HMCN2: variants seen among roughly 807,000 people sequenced by gnomAD.
HMCN2 encodes the protein hemicentin 2.
HMCN2 carries 325 observed loss-of-function variants against 377.5 expected under a neutral mutation model. That is an observed-to-expected ratio of 0.86 (90% CI 0.79 to 0.94). HMCN2 has a LOEUF of 0.94. Among genes scored for constraint, HMCN2 ranks in the 40% least tolerant of loss-of-function variants. The pLI is 0.00. For synonymous variants in HMCN2, 2,007 were observed against 2,046.8 expected, an observed-to-expected ratio of 0.98 and a Z score of 0.53; for missense variants, 4,543 against 4,725.3, an observed-to-expected ratio of 0.96 and a Z score of 1.13.
chr9:130,431,519 C>T lies in HMCN2; in HGVS notation c.14767+33C>T, dbSNP rs185370769. The T allele has an allele frequency of 3.0e-4, 458 of 1,543,420 alleles. 1 individual carries two copies. The African/African-American group carries it at 5.4e-3, about 18-fold the overall frequency. ...GGGCTCAGGCCGCCGCCCAAACACC[C>T]GTGGGGCTAGGGCAGGCAGCGTGGG... On this transcript the variant is annotated intron_variant, in intron 96 of 97. Transcript: ENST00000683500.
At chr9:130,376,785 C>A (rs1379355794) in intron 52 of HMCN2, 127 bp downstream of exon 52, 1 of 348,988 alleles carries the variant, frequency 2.9e-6, no homozygotes, top group Non-Finnish European at 4.0e-6. Flanking sequence ...GCCCCAGTCA[C>A]CCTTTATTTA....
intron 1 of HMCN2, among the ~76,000 whole-genome samples, chr9:130,267,356 A>G (rs1834161980): frequency 6.6e-6 from 1 of 151,072 alleles, no homozygotes; most frequent in Non-Finnish European, 1.5e-5. Context: ...GCTTTATCAC[A>G]TCTCTCTATC....
At chr9:130,413,049 A>C (rs1474168157) in intron 85 of HMCN2, among the ~76,000 whole-genome samples, 2 of 151,982 alleles carry the variant, frequency 1.3e-5, no homozygotes, top group African/African-American at 4.8e-5. Flanking sequence ...TGTAGTTTTG[A>C]ATGTACTGGT....
At chr9:130,397,176 A>G (rs1842646408) in intron 73 of HMCN2, among the ~76,000 whole-genome samples, 1 of 152,230 alleles carries the variant, frequency 6.6e-6, no homozygotes, top group African/African-American at 2.4e-5. Flanking sequence ...ATCATGGTGG[A>G]AGGAAAGGAG....
At chr9:130,407,984 C>T (rs1255896797) in intron 83 of HMCN2, among the ~76,000 whole-genome samples, 1 of 152,210 alleles carries the variant, frequency 6.6e-6, no homozygotes, top group East Asian at 1.9e-4. Flanking sequence ...ACCAATTGCC[C>T]TACAGCACTA....
chr9:130,408,978 T>G, intron 84 of HMCN2, 45 bp downstream of exon 84: 2 of 1,232,646 alleles, frequency 1.6e-6, no homozygotes, highest in South Asian at 1.3e-5. Context: ...TGAGGACAAC[T>G]CTACGCTTTT....
Position 130,326,766 on chromosome 9 carries a change from C to T in HMCN2, c.3194-544C>T, listed in dbSNP as rs904129744. On this transcript the variant is annotated intron_variant, in intron 21 of 97. Coordinates refer to ENST00000683500, the MANE Select transcript of HMCN2 (RefSeq NM_001291815.2). The stretch of plus-strand genomic sequence containing the variant: ...AAGGTAGAAAGGCGGAGGCGGGGAG[C>T]GGGGAGGAAGGAAGGGTACCATGCT... Among the ~76,000 whole-genome samples, 34 of 152,012 alleles carry T rather than the reference C, an allele frequency of 2.2e-4. No homozygotes were observed. In the East Asian group the frequency reaches 3.3e-3, roughly 15 times the overall value.
At position 130,314,000 on chromosome 9, in the gene HMCN2, G is replaced by C. The variant is rs1004992968; in HGVS notation, c.2350+3939G>C. On this transcript the variant is annotated intron_variant, in intron 15 of 97. Coordinates refer to ENST00000683500, the MANE Select transcript of HMCN2 (RefSeq NM_001291815.2). ...TCTCCATGTTGGCCAGGCTGGTCTC[G>C]AACTCCCGACCTCAGATGATCCACC... Among the ~76,000 whole-genome samples the C allele has an allele frequency of 9.5e-4, 145 of 152,086 alleles. 1 individual carries two copies. The highest frequency in any genetic ancestry group is 3.4e-3 in the African/African-American group (143 of 41,476).
chr9:130,290,719 A>G (rs781912982), intron 4 of HMCN2, among the ~76,000 whole-genome samples: 5 of 152,194 alleles, frequency 3.3e-5, no homozygotes, highest in Non-Finnish European at 5.9e-5. Flanking sequence ...CAAGAGACAC[A>G]TTACTTAGAA....
intron 86 of HMCN2, among the ~76,000 whole-genome samples, chr9:130,420,589 C>T (rs992622193): frequency 6.6e-6 from 1 of 152,106 alleles, no homozygotes; most frequent in Non-Finnish European, 1.5e-5. Context: ...GCCCTGGTTT[C>T]TTCTGAACAC....
chr9:130,376,710 TG>T, intron 52 of HMCN2, 52 bp downstream of exon 52: 10 of 980,058 alleles, frequency 1.0e-5, no homozygotes, highest in Non-Finnish European at 1.2e-5. Flanking sequence ...TGCTTCCGGC[TG>T]GTTCTGCTTG....
chr9:130,349,768 A>G, intron 29 of HMCN2, 105 bp downstream of exon 29: 1 of 1,131,178 alleles, frequency 8.8e-7, no homozygotes, highest in South Asian at 1.5e-5. Context: ...GCTGACAGGC[A>G]TGGCATGTGC....
chr9:130,430,850 G>A (rs1426569021), intron 95 of HMCN2: 4 of 533,230 alleles, frequency 7.5e-6, no homozygotes, highest in Non-Finnish European at 1.3e-5. Flanking sequence ...AGGACACTTT[G>A]CCCAGAGGGA....
At chr9:130,387,267 C>T (rs1182877312) in intron 61 of HMCN2, among the ~76,000 whole-genome samples, 2 of 152,184 alleles carry the variant, frequency 1.3e-5, no homozygotes, top group African/African-American at 2.4e-5. Context: ...AGAGACTTAG[C>T]CGTGCCACAA....
At chr9:130,419,911 T>C (rs1441376352) in intron 86 of HMCN2, among the ~76,000 whole-genome samples, 2 of 152,262 alleles carry the variant, frequency 1.3e-5, no homozygotes, top group Non-Finnish European at 2.9e-5. Flanking sequence ...TTTCTGGCCG[T>C]TGCTCTCATT....
At position 130,433,540 on chromosome 9, in the gene HMCN2, C is replaced by T; in HGVS notation, c.15087C>T (p.Phe5029=). 6.8e-7 allele frequency: 1 copy of T among 1,471,064 alleles called. No homozygotes were observed. Among genetic ancestry groups the T allele is most frequent in the Non-Finnish European group, 8.9e-7 (1 of 1,118,152 alleles). The allele number at this position is 1,471,064 out of a possible 1,614,324, so 91.1% of individuals were successfully genotyped here. The change falls in exon 98 of 98, where the codon TTC becomes TTT. Residue 5029 remains phenylalanine (F), a synonymous_variant. Coordinates refer to ENST00000683500, the MANE Select transcript of HMCN2 (RefSeq NM_001291815.2). ...SMLEPDPRSP[F]ALRPLRAGLG... ...TGGAGCCCGACCCCCGCAGCCCCTT[C>T]GCGCTGCGTCCGCTGCGCGCGGGCC...
chr9:130,374,691 T>G lies in HMCN2; in HGVS notation c.7628T>G (p.Leu2543Arg). The change falls in exon 49 of 98, where the codon CTG (leucine) becomes CGG (arginine). Residue 2543 changes from leucine (L) to arginine (R), a missense_variant and splice_region_variant. Around this residue, in one of 5 missense-constraint regions of HMCN2, gnomAD observed 736 missense variants for 773.2 expected, o/e 0.95. Coordinates refer to ENST00000683500, the MANE Select transcript of HMCN2 (RefSeq NM_001291815.2). ...ACCAAACACTTCCAGCTCAGTGTCC[T>G]GTGTAAGTTTTGGGCATCTCCTGGC... ...EKTKHFQLSVLLAPTILGGAE... is the reference protein window; with the variant it reads ...EKTKHFQLSVRLAPTILGGAE... 1 of 985,796 alleles carries G rather than the reference T, an allele frequency of 1.0e-6. No homozygotes were observed. The highest frequency in any genetic ancestry group is 4.7e-5 in the South Asian group (1 of 21,286). 61.1% of individuals were successfully genotyped at this position (985,796 alleles called of 1,614,324 possible).
chr9:130,422,554 G>T lies in HMCN2; in HGVS notation c.13232-23G>T. 2 of 1,314,136 alleles carry T rather than the reference G, an allele frequency of 1.5e-6. No individual in the cohort carries two copies. Among genetic ancestry groups the T allele is most frequent in the Non-Finnish European group, 2.0e-6 (2 of 1,024,962 alleles). The allele number at this position is 1,314,136 out of a possible 1,614,324, so 81.4% of individuals were successfully genotyped here. A position where few individuals can be genotyped will look rare whatever the true frequency, so the allele number is the denominator to read the frequency against. Reference sequence around the variant, plus strand: ...CCCGGGGTGGATAGTCAGTGGCACTGTCATTCTTTCCCTTCCTTACAGGGG... The same window carrying T: ...CCCGGGGTGGATAGTCAGTGGCACTTTCATTCTTTCCCTTCCTTACAGGGG... On this transcript the variant is annotated intron_variant, in intron 86 of 97. Coordinates refer to ENST00000683500, the MANE Select transcript of HMCN2 (RefSeq NM_001291815.2). This position sits in a 1 kb window ranked among gnomAD's most constrained non-coding sequence, Gnocchi z 4.2.
chr9:130,432,026 C>T (rs1218053178), intron 96 of HMCN2, among the ~76,000 whole-genome samples: 1 of 152,256 alleles, frequency 6.6e-6, no homozygotes, highest in East Asian at 1.9e-4. Context: ...GTCCCTCATG[C>T]TGCCATGGAG....
Sources: gnomAD v4.1 joint callset for allele counts (sites outside exome capture counted in the v4.1 genomes callset) on GRCh38, gnomAD v4.1.1 for gene constraint, gnomAD v4.1.1 regional missense constraint, Gnocchi (gnomAD v3.1) non-coding constraint, MANE v1.5 for transcripts, NCBI Gene and HGNC (gene_info 2026-07-23, HGNC 2026-07-21) for gene names.